LIPC: variants seen among roughly 807,000 people sequenced by gnomAD.
The protein encoded by LIPC is lipase C, hepatic type, also known as hepatic triacylglycerol lipase.
In LIPC, 44 loss-of-function variants were observed where a neutral mutation model predicts 50.7. That is an observed-to-expected ratio of 0.87 (90% CI 0.68 to 1.11). LIPC has a LOEUF of 1.11. LIPC is among the 50% of genes most tolerant of loss of function. LIPC has a pLI of 0.00. For missense variants in LIPC, 697 were observed against 648.2 expected (o/e 1.08, Z -0.82); for synonymous variants, 271 against 256.4 (o/e 1.06, Z -0.54).
chr15:58,559,902 C>T (rs1894100462), intron 6 of LIPC, among the ~76,000 whole-genome samples: 1 of 152,110 alleles, frequency 6.6e-6, no homozygotes, highest in African/African-American at 2.4e-5. Context: ...ACCATGCAAG[C>T]TAAGCAAACA....
chr15:58,439,213 A>G (rs1893420351), intron 1 of LIPC, among the ~76,000 whole-genome samples: 1 of 152,214 alleles, frequency 6.6e-6, no homozygotes, highest in South Asian at 2.1e-4. Context: ...TTGAGAAAAA[A>G]TGCTGGAAGA....
chr15:58,489,420 C>T (rs1237444894), intron 1 of LIPC, among the ~76,000 whole-genome samples: 3 of 151,966 alleles, frequency 2.0e-5, no homozygotes, highest in African/African-American at 4.8e-5. Flanking sequence ...GAATGCTCAG[C>T]GGTTAGGGTT....
chr15:58,566,496 C>T, intron 8 of LIPC: 1 of 974,532 alleles, frequency 1.0e-6, no homozygotes, highest in Non-Finnish European at 1.2e-6. Flanking sequence ...TTTTTAGTGC[C>T]TTTTGCAGAC....
intron 1 of LIPC, among the ~76,000 whole-genome samples, chr15:58,440,951 G>A (rs1174680352): frequency 3.3e-5 from 5 of 151,994 alleles, no homozygotes; most frequent in African/African-American, 1.2e-4. Context: ...GGACAGGAAG[G>A]GCCATCCTCA....
In LIPC at chr15:58,548,310, CT is replaced by C. The variant is rs1477459765; in HGVS notation, c.809-18del. 1 of 1,613,958 alleles carries C rather than the reference CT, an allele frequency of 6.2e-7. No homozygotes were observed. The highest frequency in any genetic ancestry group is 2.2e-5 in the East Asian group (1 of 44,882). Reference sequence around the variant, plus strand: ...CTTTGGGTTAAGGGGTGATAACGTCCTTCTTGCCCTGTGTTCCAGCCATCAC... The same window carrying C: ...CTTTGGGTTAAGGGGTGATAACGTCCTCTTGCCCTGTGTTCCAGCCATCAC... On this transcript the variant is annotated intron_variant, in intron 5 of 8. Coordinates refer to ENST00000299022, the MANE Select transcript of LIPC (RefSeq NM_000236.3).
At chr15:58,537,445 A>T (rs986928528) in intron 1 of LIPC, among the ~76,000 whole-genome samples, 1 of 152,194 alleles carries the variant, frequency 6.6e-6, no homozygotes, top group Non-Finnish European at 1.5e-5. Context: ...CGGCCTTGGA[A>T]AGCCTCCGAA....
At chr15:58,468,710 G>C (rs376421199) in intron 1 of LIPC, among the ~76,000 whole-genome samples, 2 of 152,250 alleles carry the variant, frequency 1.3e-5, no homozygotes, top group East Asian at 3.9e-4. Flanking sequence ...ATAACAGAAA[G>C]GCCCACCCCA....
At chr15:58,459,784 G>A (rs558231323) in intron 1 of LIPC, among the ~76,000 whole-genome samples, 20 of 152,304 alleles carry the variant, frequency 1.3e-4, no homozygotes, top group Admixed American at 6.5e-5. Flanking sequence ...ACAGATGCCC[G>A]CTCCCTTACC....
intron 1 of LIPC, among the ~76,000 whole-genome samples, chr15:58,480,543 C>A (rs184983062): frequency 7.9e-5 from 12 of 152,276 alleles, no homozygotes; most frequent in Admixed American, 3.3e-4. Context: ...GATCCGCCCC[C>A]ACCTTGGCCT....
chr15:58,567,307 A>G (rs1247252271), intron 8 of LIPC, among the ~76,000 whole-genome samples: 1 of 95,136 alleles, frequency 1.1e-5, no homozygotes, highest in Admixed American at 1.1e-4. Context: ...ATATATATAC[A>G]TATATATGTA....
At chr15:58,472,366 G>C (rs1358466861) in intron 1 of LIPC, among the ~76,000 whole-genome samples, 1 of 151,552 alleles carries the variant, frequency 6.6e-6, no homozygotes, top group East Asian at 1.9e-4. Flanking sequence ...CATGAGGCCA[G>C]GTGTTCAAGA....
intron 1 of LIPC, among the ~76,000 whole-genome samples, chr15:58,513,336 CAA>C (rs1892390347): frequency 6.6e-6 from 1 of 152,330 alleles, no homozygotes; most frequent in Admixed American, 6.5e-5. Flanking sequence ...CTCCCAAGGA[CAA>C]ACTAGAAGAA....
At chr15:58,481,299 A>T (rs1227108866) in intron 1 of LIPC, among the ~76,000 whole-genome samples, 1 of 151,884 alleles carries the variant, frequency 6.6e-6, no homozygotes, top group Non-Finnish European at 1.5e-5. Flanking sequence ...TTAAAAGATT[A>T]AAAAAACCAT....
In LIPC at chr15:58,541,862, G is replaced by A; in HGVS notation, c.351G>A (p.Val117=). 6 of 1,612,936 alleles carry A rather than the reference G, an allele frequency of 3.7e-6. No homozygotes were observed. Among genetic ancestry groups the A allele is most frequent in the Non-Finnish European group, 5.1e-6 (6 of 1,179,978 alleles). Residue 117 remains valine (V), a synonymous_variant, in exon 3 of 9, where the codon GTG becomes GTA. Transcript: ENST00000299022. The part of the protein sequence containing the change: ...LKSQPAQPVN[V]GLVDWITLAH... ...CTCAGCCGGCCCAGCCAGTGAACGT[G>A]GGGCTGGTGGACTGGATCACCCTGG...
Position 58,548,565 on chromosome 15 carries a change from C to A in LIPC, c.1044C>A (p.Pro348=), listed in dbSNP as rs984634041. The change falls in exon 6 of 9, where the codon CCC becomes CCA. Residue 348 remains proline, a synonymous_variant. Transcript: ENST00000299022. ...RLFLVTRAQS[P]FKVYHYQFKI... is the part of the protein sequence containing the mutation. ...TCCTCGTAACGCGAGCCCAGTCCCC[C>A]TTCAAAGGTGAGTGTGGAGCTGGGG... 1.9e-6 allele frequency: 3 copies of A among 1,590,716 alleles called. No individual in the cohort carries two copies. The highest frequency in any genetic ancestry group is 2.6e-6 in the Non-Finnish European group (3 of 1,169,588).
chr15:58,443,970 T>A (rs1252033956), intron 1 of LIPC, among the ~76,000 whole-genome samples: 2 of 152,162 alleles, frequency 1.3e-5, no homozygotes, highest in African/African-American at 4.8e-5. Flanking sequence ...CAGAAACAAA[T>A]CACAATGGTG....
At chr15:58,437,908 G>C (rs1403393643) in intron 1 of LIPC, among the ~76,000 whole-genome samples, 1 of 152,106 alleles carries the variant, frequency 6.6e-6, no homozygotes, top group Non-Finnish European at 1.5e-5. Context: ...AGCTGAGCAG[G>C]TCTGTGGTCC....
rs2140967041 is a variant in LIPC, at chr15:58,568,592, A to C, written c.1389-124A>C. 3 of 684,764 alleles carry C rather than the reference A, an allele frequency of 4.4e-6. No homozygotes were observed. In the East Asian group the frequency reaches 8.2e-5, roughly 19 times the overall value. 42.4% of individuals were successfully genotyped at this position (684,764 alleles called of 1,614,324 possible). On this transcript the variant is annotated intron_variant, in intron 8 of 8. Transcript: ENST00000299022. ...TACAAAAATATTTGCGAACATAAGA[A>C]TCTAACTTAAAAAAAGACATCACAT...
At chr15:58,547,828 G>C (rs934746935) in intron 5 of LIPC, among the ~76,000 whole-genome samples, 1 of 152,068 alleles carries the variant, frequency 6.6e-6, no homozygotes, top group African/African-American at 2.4e-5. Flanking sequence ...AGGCCTCAGC[G>C]TTCTCCAGAC....
Sources: gnomAD v4.1 joint callset for allele counts (sites outside exome capture counted in the v4.1 genomes callset) on GRCh38, gnomAD v4.1.1 for gene constraint, MANE v1.5 for transcripts, NCBI Gene and HGNC (gene_info 2026-07-23, HGNC 2026-07-21) for gene names.